The following SUGCT variants were observed in gnomAD, a reference collection of about 807,000 sequenced individuals.
SUGCT encodes the protein succinyl-CoA:glutarate CoA-transferase.
SUGCT carries 41 observed loss-of-function variants against 55.0 expected under a neutral mutation model. That is an observed-to-expected ratio of 0.74 (90% CI 0.58 to 0.97). SUGCT has a LOEUF of 0.97. SUGCT is among the 50% of genes least tolerant of loss of function. The pLI is 0.00. For missense variants in SUGCT, 568 were observed against 547.8 expected, an observed-to-expected ratio of 1.04 and a Z score of -0.37; for synonymous variants, 187 against 200.4, an observed-to-expected ratio of 0.93 and a Z score of 0.56.
intron 12 of SUGCT, among the ~76,000 whole-genome samples, chr7:40,699,596 C>G (rs568816737): frequency 2.6e-5 from 4 of 152,318 alleles, no homozygotes; most frequent in African/African-American, 9.6e-5. Context: ...AGGCCCCTCA[C>G]AGTGGCTTAC....
At chr7:40,477,343 G>A (rs1413963999) in intron 11 of SUGCT, among the ~76,000 whole-genome samples, 1 of 152,090 alleles carries the variant, frequency 6.6e-6, no homozygotes, top group Non-Finnish European at 1.5e-5. Context: ...AGCAAGACTG[G>A]GGAGTTGGAG....
chr7:40,890,284 T>TATA, the SUGCT span, among the ~76,000 whole-genome samples: 3 of 142,852 alleles, frequency 2.1e-5, no homozygotes, highest in East Asian at 5.8e-4. Flanking sequence ...AATTAAATAT[T>TATA]TATATTATAT....
At chr7:40,679,865 A>C (rs1284061419) in intron 12 of SUGCT, among the ~76,000 whole-genome samples, 4 of 152,138 alleles carry the variant, frequency 2.6e-5, no homozygotes, top group African/African-American at 9.7e-5. Flanking sequence ...CATGATGAGA[A>C]TTTCATATCC....
chr7:41,003,616 C>T, the SUGCT span, among the ~76,000 whole-genome samples: 2 of 152,160 alleles, frequency 1.3e-5, no homozygotes, highest in Non-Finnish European at 2.9e-5. Flanking sequence ...TCTCTATTTC[C>T]TTTTCCTGCC....
intron 12 of SUGCT, among the ~76,000 whole-genome samples, chr7:40,604,232 C>T (rs750738811): frequency 3.9e-5 from 6 of 152,182 alleles, no homozygotes; most frequent in Non-Finnish European, 8.8e-5. Context: ...TAACAAGTTT[C>T]ATGATTAACA....
chr7:40,950,420 C>T, the SUGCT span, among the ~76,000 whole-genome samples: 2 of 152,182 alleles, frequency 1.3e-5, no homozygotes, highest in Admixed American at 6.5e-5. Flanking sequence ...AATTTGACTT[C>T]CTCTTTTCCT....
At chr7:40,831,719 A>G (rs1215679040) in intron 13 of SUGCT, among the ~76,000 whole-genome samples, 1 of 152,198 alleles carries the variant, frequency 6.6e-6, no homozygotes, top group East Asian at 1.9e-4. Flanking sequence ...AACACTAAGA[A>G]CACTTCTGTT....
chr7:40,158,978 T>C (rs1352697799), intron 1 of SUGCT, among the ~76,000 whole-genome samples: 2 of 152,222 alleles, frequency 1.3e-5, no homozygotes, highest in African/African-American at 4.8e-5. Context: ...TGCAGTGGCA[T>C]GATCACAGCT....
chr7:40,649,922 C>T (rs1385820904), intron 12 of SUGCT, among the ~76,000 whole-genome samples: 2 of 152,114 alleles, frequency 1.3e-5, no homozygotes, highest in Admixed American at 6.5e-5. Flanking sequence ...TGACTTAAAG[C>T]AAACATTTAT....
At chr7:40,816,206 G>C (rs879344242) in intron 13 of SUGCT, among the ~76,000 whole-genome samples, 8 of 152,216 alleles carry the variant, frequency 5.3e-5, no homozygotes, top group Admixed American at 4.6e-4. Context: ...AGCAAGTCTT[G>C]CTCCAGCCTC....
At chr7:40,179,300 CT>C (rs374237231) in intron 1 of SUGCT, among the ~76,000 whole-genome samples, 262 of 145,384 alleles carry the variant, frequency 1.8e-3, no homozygotes, top group Middle Eastern at 3.5e-3. Context: ...TTCTTTCTTT[CT>C]TTTTTTTTTT....
At chr7:40,135,197 C>A (rs1284977337) in intron 1 of SUGCT, 77 bp downstream of exon 1, 21 of 1,454,480 alleles carry the variant, frequency 1.4e-5, no homozygotes, top group Non-Finnish European at 1.8e-5. Context: ...CTGAGGAGAG[C>A]AATTAGGGTC....
chr7:40,806,315 C>A (rs1403438689), intron 13 of SUGCT, among the ~76,000 whole-genome samples: 3 of 152,074 alleles, frequency 2.0e-5, no homozygotes. Flanking sequence ...CCTAAATCCA[C>A]CCTGCTTTAA....
intron 9 of SUGCT, among the ~76,000 whole-genome samples, chr7:40,404,271 G>C (rs1448293006): frequency 6.6e-6 from 1 of 152,170 alleles, no homozygotes; most frequent in Non-Finnish European, 1.5e-5. Context: ...GTTTCTTACA[G>C]TTGCTATTGC....
At chr7:40,244,521 A>G (rs1368970994) in intron 7 of SUGCT, among the ~76,000 whole-genome samples, 1 of 152,220 alleles carries the variant, frequency 6.6e-6, no homozygotes, top group Non-Finnish European at 1.5e-5. Flanking sequence ...AGTTCAGAAG[A>G]TGTTTCAGAA....
At chr7:40,274,828 T>TTTTG (rs1247313748) in intron 8 of SUGCT, among the ~76,000 whole-genome samples, 172 bp downstream of exon 8, 1 of 152,172 alleles carries the variant, frequency 6.6e-6, no homozygotes, top group Non-Finnish European at 1.5e-5. Flanking sequence ...TGAGATGGAA[T>TTTTG]TTTGCTCTTG....
At chr7:40,360,322 T>C (rs1562712452) in intron 9 of SUGCT, among the ~76,000 whole-genome samples, 1 of 152,344 alleles carries the variant, frequency 6.6e-6, no homozygotes, top group East Asian at 1.9e-4. Flanking sequence ...CCTAAGATTT[T>C]TTTTTAAAAA....
intron 12 of SUGCT, among the ~76,000 whole-genome samples, chr7:40,729,561 A>G (rs909700816): frequency 2.6e-5 from 4 of 152,162 alleles, no homozygotes; most frequent in Non-Finnish European, 5.9e-5. Context: ...TTTTTGAAAG[A>G]GTGTGCTGTT....
At chr7:40,620,770 A>G (rs760958449) in intron 12 of SUGCT, among the ~76,000 whole-genome samples, 2 of 152,178 alleles carry the variant, frequency 1.3e-5, no homozygotes, top group African/African-American at 4.8e-5. Context: ...AGACTGATAA[A>G]AATTATCATT....
Sources: allele counts gnomAD v4.1 joint callset (sites outside exome capture counted in the v4.1 genomes callset), GRCh38; gene constraint gnomAD v4.1.1; transcripts MANE v1.5; gene names NCBI Gene and HGNC (gene_info 2026-07-23, HGNC 2026-07-21).